Variants in MRC1 observed in about 807,000 individuals in gnomAD.
The protein encoded by MRC1 is macrophage mannose receptor 1.
In MRC1, 62 loss-of-function variants were observed where a neutral mutation model predicts 102.9. That is an observed-to-expected ratio of 0.60 (90% confidence interval 0.49 to 0.74). The LOEUF (loss-of-function observed/expected upper bound fraction) is 0.74. Ranked by LOEUF, MRC1 falls within the 30% of genes least tolerant of loss-of-function variation. The pLI is 0.00. For synonymous variants in MRC1, 457 were observed against 298.4 expected (o/e 1.53, Z -5.48); for missense variants, 1,237 against 862.8 (o/e 1.43, Z -5.43).
At position 17,866,681 on chromosome 10, in the gene MRC1, C is replaced by A. The variant is rs1380265793; in HGVS notation, c.1903C>A (p.Pro635Thr). 1 of 780,686 alleles carries A rather than the reference C, an allele frequency of 1.3e-6. No homozygotes were observed. 48.4% of individuals were successfully genotyped at this position (780,686 alleles called of 1,614,324 possible). The change falls in exon 12 of 30, where the codon CCA (proline) becomes ACA (threonine). Residue 635 changes from proline to threonine, a missense_variant. Pro to Thr is a conservative substitution (Grantham distance 38). Coordinates refer to ENST00000569591, the MANE Select transcript of MRC1 (RefSeq NM_002438.4). The part of the protein sequence containing the change: ...CKHWAEGVTH[P>T]PKPTTTPEPK... Reference sequence around the variant, plus strand: ...GCACTGGGCAGAAGGAGTAACCCACCCACCGAAGCCCACGACGACTCCCGA... The same window carrying A: ...GCACTGGGCAGAAGGAGTAACCCACACACCGAAGCCCACGACGACTCCCGA...
At chr10:17,905,748 T>A (rs953427984) in intron 26 of MRC1, among the ~76,000 whole-genome samples, 3 of 152,200 alleles carry the variant, frequency 2.0e-5, no homozygotes, top group African/African-American at 7.2e-5. Flanking sequence ...GGCATATGGT[T>A]AGGTACGGAC....
At position 17,827,685 on chromosome 10, in the gene MRC1, G is replaced by C. The variant is rs1838501636; in HGVS notation, c.607G>C (p.Asp203His). 3.8e-6 allele frequency: 3 copies of C among 780,776 alleles called. No individual in the cohort carries two copies. The highest frequency in any genetic ancestry group is 3.4e-5 in the African/African-American group (2 of 59,140). The allele number at this position is 780,776 out of a possible 1,614,324, so 48.4% of individuals were successfully genotyped here. A position where few individuals can be genotyped will look rare whatever the true frequency, so the allele number is the denominator to read the frequency against. The change falls in exon 3 of 30, where the codon GAC (aspartate) becomes CAC (histidine). Residue 203 changes from aspartate to histidine, a missense_variant. Physicochemically the swap from Asp to His is moderately conservative, Grantham distance 81 (BLOSUM62 -1). Transcript: ENST00000569591. The part of the protein sequence containing the change: ...WCGTTTDYDT[D>H]KLFGYCPLKF... ...CGGAACCACTACTGACTATGACACA[G>C]ACAAGCTATTTGGATATTGTCCATT...
intron 5 of MRC1, among the ~76,000 whole-genome samples, chr10:17,844,083 C>T (rs1264206951): frequency 6.6e-6 from 1 of 152,146 alleles, no homozygotes; most frequent in Non-Finnish European, 1.5e-5. Flanking sequence ...AATCAGTTTC[C>T]ACTAAGAAAT....
intron 29 of MRC1, among the ~76,000 whole-genome samples, chr10:17,909,597 C>G (rs1833942419): frequency 2.0e-5 from 3 of 151,310 alleles, no homozygotes; most frequent in African/African-American, 4.9e-5. Context: ...CAAACAGCTG[C>G]CTTGAACCCA....
intron 23 of MRC1, 82 bp downstream of exon 23, chr10:17,894,394 C>CTTTTTTTT (rs34625338): frequency 6.0e-4 from 245 of 406,210 alleles, no homozygotes; most frequent in African/African-American, 1.5e-3. Context: ...TTCTTTCTTT[C>CTTTTTTTT]TTTTTTTTTT....
Position 17,833,754 on chromosome 10 carries a change from G to A in MRC1, c.717G>A (p.Thr239=), listed in dbSNP as rs1227956982. Residue 239 remains threonine (T), a synonymous_variant, in exon 4 of 30, where the codon ACG becomes ACA. Coordinates refer to ENST00000569591, the MANE Select transcript of MRC1 (RefSeq NM_002438.4). ...SYQINSKSAL[T]WHQARKSCQQ... ...AGATAAACTCCAAATCCGCTTTAAC[G>A]TGGCACCAGGCGAGGAAAAGCTGCC... The A allele has an allele frequency of 9.0e-6, 7 of 780,914 alleles. No homozygotes were observed. Among genetic ancestry groups the A allele is most frequent in the Non-Finnish European group, 1.4e-5 (6 of 418,132 alleles). The allele number at this position is 780,914 out of a possible 1,614,324, so 48.4% of individuals were successfully genotyped here.
At chr10:17,861,536 G>C (rs945495537) in intron 10 of MRC1, 34 bp downstream of exon 10, 42 of 845,826 alleles carry the variant, frequency 5.0e-5, no homozygotes, top group Middle Eastern at 2.2e-4. Flanking sequence ...TTTAAAATAT[G>C]TCAAATAGAA....
rs369397637 is a variant in MRC1, at chr10:17,833,719, G to C, written c.682G>C (p.Val228Leu). 5.1e-6 allele frequency: 4 copies of C among 780,882 alleles called. No individual in the cohort carries two copies. The highest frequency in any genetic ancestry group is 9.6e-6 in the Non-Finnish European group (4 of 418,134). The allele number at this position is 780,882 out of a possible 1,614,324, so 48.4% of individuals were successfully genotyped here. A position where few individuals can be genotyped will look rare whatever the true frequency, so the allele number is the denominator to read the frequency against. The stretch of plus-strand genomic sequence containing the variant: ...ATGGAATAAAGACCCGCTGACCAGC[G>C]TTTCCTACCAGATAAACTCCAAATC... The part of the protein sequence containing the change: ...SLWNKDPLTS[V>L]SYQINSKSAL... Residue 228 changes from valine to leucine, a missense_variant, in exon 4 of 30, where the codon GTT becomes CTT. Physicochemically the swap from Val to Leu is conservative, Grantham distance 32 (BLOSUM62 1). Transcript: ENST00000569591.
At chr10:17,839,926 C>A (rs1044916188) in intron 4 of MRC1, among the ~76,000 whole-genome samples, 1 of 151,302 alleles carries the variant, frequency 6.6e-6, no homozygotes, top group Non-Finnish European at 1.5e-5. Context: ...ATTAGCCAGG[C>A]GTGGTGGCGG....
intron 16 of MRC1, among the ~76,000 whole-genome samples, chr10:17,874,253 T>G (rs691406): frequency 0.89 from 136,103 of 152,112 alleles, 60,967 homozygotes; most frequent in African/African-American, 0.91. Flanking sequence ...CTGAGGGAGA[T>G]TCTCTTTCCT....
chr10:17,902,158 T>A (rs1833837612), intron 26 of MRC1, 36 bp downstream of exon 26: 1 of 771,098 alleles, frequency 1.3e-6, no homozygotes, highest in East Asian at 2.4e-5. Context: ...AACTCCATAA[T>A]CATCTATTCT....
At chr10:17,854,081 G>A (rs1217641635) in intron 8 of MRC1, among the ~76,000 whole-genome samples, 1 of 152,052 alleles carries the variant, frequency 6.6e-6, no homozygotes, top group African/African-American at 2.4e-5. Context: ...CTCCCAAATA[G>A]CTGTGACTAA....
At chr10:17,812,719 C>G (rs868965351) in intron 1 of MRC1, among the ~76,000 whole-genome samples, 2,262 of 151,936 alleles carry the variant, frequency 0.015, 20 homozygotes, top group Non-Finnish European at 0.023. Flanking sequence ...TTACAGGCAC[C>G]CGCCACCACA....
At chr10:17,856,568 T>C (rs1833096266) in intron 9 of MRC1, among the ~76,000 whole-genome samples, 1 of 152,116 alleles carries the variant, frequency 6.6e-6, no homozygotes, top group Non-Finnish European at 1.5e-5. Context: ...ACAAGGCCGG[T>C]AGCTCCTTTC....
chr10:17,860,848 G>A (rs1391650137), intron 9 of MRC1, among the ~76,000 whole-genome samples: 1 of 152,162 alleles, frequency 6.6e-6, no homozygotes, highest in African/African-American at 2.4e-5. Flanking sequence ...GGAGAGAATG[G>A]CTGCCCCCAT....
At chr10:17,834,497 C>T (rs1467466552) in intron 4 of MRC1, among the ~76,000 whole-genome samples, 6 of 152,294 alleles carry the variant, frequency 3.9e-5, no homozygotes, top group African/African-American at 9.6e-5. Flanking sequence ...ACTGTAACCT[C>T]CACCTCCCGG....
chr10:17,821,349 T>A (rs1253172493), intron 1 of MRC1, among the ~76,000 whole-genome samples: 1 of 152,222 alleles, frequency 6.6e-6, no homozygotes, highest in African/African-American at 2.4e-5. Flanking sequence ...GGAATCTTCC[T>A]GGATTTTCAG....
At chr10:17,841,557 A>G (rs1838749651) in intron 5 of MRC1, among the ~76,000 whole-genome samples, 1 of 152,190 alleles carries the variant, frequency 6.6e-6, no homozygotes, top group African/African-American at 2.4e-5. Flanking sequence ...TTATTTCTAC[A>G]TTGTCATAAC....
At position 17,856,994 on chromosome 10, in the gene MRC1, A is replaced by G. The variant is rs1054612779; in HGVS notation, c.1518+642A>G. Among the ~76,000 whole-genome samples the G allele has an allele frequency of 2.0e-5, 3 of 152,200 alleles. No individual in the cohort carries two copies. In the East Asian group the frequency reaches 5.8e-4, roughly 29 times the overall value. Reference sequence around the variant, plus strand: ...GTTATCATTTTCCTGTTTGATTGCTACATCTTCTTTTCTACTTTCTCATTT... The same window carrying G: ...GTTATCATTTTCCTGTTTGATTGCTGCATCTTCTTTTCTACTTTCTCATTT... On this transcript the variant is annotated intron_variant, in intron 9 of 29. Coordinates refer to ENST00000569591, the MANE Select transcript of MRC1 (RefSeq NM_002438.4).
Sources: gnomAD v4.1 joint callset for allele counts (sites outside exome capture counted in the v4.1 genomes callset) on GRCh38, gnomAD v4.1.1 for gene constraint, MANE v1.5 for transcripts, NCBI Gene and HGNC (gene_info 2026-07-23, HGNC 2026-07-21) for gene names.